Variants in WDFY1 observed in about 807,000 individuals in gnomAD.
WDFY1 encodes the protein WD repeat and FYVE domain containing 1, also known as WD repeat and FYVE domain-containing protein 1.
In WDFY1, 32 loss-of-function variants were observed where a neutral mutation model predicts 56.4. The observed-to-expected ratio is 0.57, with a 90% CI of 0.43 to 0.76. WDFY1 has a LOEUF of 0.76. WDFY1 is among the 30% of genes least tolerant of loss of function. The probability of loss-of-function intolerance (pLI) is 0.00; values close to 1 mark genes in which losing one functional copy is unlikely to be tolerated. For synonymous variants in WDFY1, 192 were observed against 197.3 expected (o/e 0.97, Z 0.23); for missense variants, 480 against 545.7 (o/e 0.88, Z 1.20).
At chr2:223,886,604 C>T (rs1367699041) in intron 8 of WDFY1, among the ~76,000 whole-genome samples, 1 of 151,540 alleles carries the variant, frequency 6.6e-6, no homozygotes, top group African/African-American at 2.4e-5. Flanking sequence ...CATGCCTATG[C>T]CTATAATCCC....
Position 223,894,232 on chromosome 2 carries a change from AC to A in WDFY1, c.831+1del. On this transcript the variant is annotated splice_donor_variant, in intron 8 of 11. Coordinates refer to ENST00000233055, the MANE Select transcript of WDFY1 (RefSeq NM_020830.5). LOFTEE classifies it high-confidence loss of function. The stretch of plus-strand genomic sequence containing the variant: ...CAGCCTGGACTTGCCCTTGTCTCTT[AC>A]CTCTTCTCTGCTAACATCCATGTTC... 1 of 1,614,092 alleles carries A rather than the reference AC, an allele frequency of 6.2e-7. No individual in the cohort carries two copies. The highest frequency in any genetic ancestry group is 8.5e-7 in the Non-Finnish European group (1 of 1,179,960).
chr2:223,878,342 G>A lies in WDFY1; in HGVS notation c.*329C>T, dbSNP rs1693006276. The A allele has an allele frequency of 4.8e-6, 1 of 208,972 alleles. No homozygotes were observed. Among genetic ancestry groups the A allele is most frequent in the African/African-American group, 2.3e-5 (1 of 42,948 alleles). The allele number at this position is 208,972 out of a possible 1,614,324, so 12.9% of individuals were successfully genotyped here. ...TGTGACTGCTTTGAGAAGGTTCTAA[G>A]CATTCACTTTTTTGTTTGATTTTTT... On this transcript the variant is annotated 3_prime_UTR_variant, in exon 12 of 12. Coordinates refer to ENST00000233055, the MANE Select transcript of WDFY1 (RefSeq NM_020830.5).
chr2:223,924,076 C>A (rs1473049344), intron 1 of WDFY1, among the ~76,000 whole-genome samples: 1 of 152,162 alleles, frequency 6.6e-6, no homozygotes, highest in Non-Finnish European at 1.5e-5. Flanking sequence ...CGTGTTCATT[C>A]TTTTCCAAGC....
At chr2:223,921,012 G>C (rs1693876785) in intron 1 of WDFY1, among the ~76,000 whole-genome samples, 1 of 152,146 alleles carries the variant, frequency 6.6e-6, no homozygotes, top group Non-Finnish European at 1.5e-5. Context: ...ACTGATCAGA[G>C]ACCAGAGGGA....
At chr2:223,905,219 T>C (rs973165954) in intron 4 of WDFY1, among the ~76,000 whole-genome samples, 15 of 152,224 alleles carry the variant, frequency 9.9e-5, no homozygotes, top group African/African-American at 3.6e-4. Flanking sequence ...ACTTGCACTA[T>C]TGCTGTGAAG....
At chr2:223,928,610 T>A (rs2118412) in intron 1 of WDFY1, among the ~76,000 whole-genome samples, 125,683 of 152,164 alleles carry the variant, frequency 0.83, 52,929 homozygotes, top group Non-Finnish European at 0.93. Context: ...AAATTCTACA[T>A]GTTAAAATGT....
intron 1 of WDFY1, among the ~76,000 whole-genome samples, chr2:223,923,242 C>T (rs1693917048): frequency 6.6e-6 from 1 of 152,174 alleles, no homozygotes; most frequent in Non-Finnish European, 1.5e-5. Context: ...ACCCCAAGAA[C>T]CTATTAAACA....
At chr2:223,887,752 T>C (rs1693196942) in intron 8 of WDFY1, among the ~76,000 whole-genome samples, 1 of 152,208 alleles carries the variant, frequency 6.6e-6, no homozygotes, top group African/African-American at 2.4e-5. Flanking sequence ...AATTTTCTAT[T>C]TTTCTTGAGT....
At chr2:223,904,180 A>G (rs1429735459) in intron 4 of WDFY1, among the ~76,000 whole-genome samples, 1 of 152,226 alleles carries the variant, frequency 6.6e-6, no homozygotes, top group African/African-American at 2.4e-5. Context: ...CATTGTTACA[A>G]AACAGTTTCC....
At chr2:223,881,506 G>C (rs372500535) in intron 10 of WDFY1, among the ~76,000 whole-genome samples, 3 of 152,186 alleles carry the variant, frequency 2.0e-5, no homozygotes, top group African/African-American at 7.2e-5. Context: ...AAATGGCTTA[G>C]GGGCCAGGCA....
rs1403472201 is a variant in WDFY1, at chr2:223,875,899, T to C, written c.*2772A>G. Reference sequence around the variant, plus strand: ...GAGCTACTATGGTATTTATTACATATTTGGGTCAGTTTCACCAGTTTAAAA... The same window carrying C: ...GAGCTACTATGGTATTTATTACATACTTGGGTCAGTTTCACCAGTTTAAAA... On this transcript the variant is annotated 3_prime_UTR_variant, in exon 12 of 12. Transcript: ENST00000233055. 6.6e-6 allele frequency: 1 copy of C among 152,124 alleles called. No individual in the cohort carries two copies. 9.4% of individuals were successfully genotyped at this position (152,124 alleles called of 1,614,324 possible). A position where few individuals can be genotyped will look rare whatever the true frequency, so the allele number is the denominator to read the frequency against.
intron 1 of WDFY1, among the ~76,000 whole-genome samples, chr2:223,939,815 C>A (rs1245764846): frequency 1.3e-5 from 2 of 152,168 alleles, no homozygotes; most frequent in African/African-American, 2.4e-5. Context: ...ATCACCTCCC[C>A]CACATCATGA....
Position 223,878,541 on chromosome 2 carries a change from T to C in WDFY1, c.*130A>G, listed in dbSNP as rs889543528. On this transcript the variant is annotated 3_prime_UTR_variant, in exon 12 of 12. Transcript: ENST00000233055. ...CCCCAAAACACACCTTTACATTTTC[T>C]TTTTAAAAATGTTGATTTGTTTGTA... is the stretch of plus-strand genomic sequence containing the variant. The C allele has an allele frequency of 2.8e-6, 2 of 706,500 alleles. No individual in the cohort carries two copies. The highest frequency in any genetic ancestry group is 3.6e-5 in the African/African-American group (2 of 55,458). The allele number at this position is 706,500 out of a possible 1,614,324, so 43.8% of individuals were successfully genotyped here. A position where few individuals can be genotyped will look rare whatever the true frequency, so the allele number is the denominator to read the frequency against.
At chr2:223,908,383 G>T (rs926116692) in intron 3 of WDFY1, among the ~76,000 whole-genome samples, 1 of 152,116 alleles carries the variant, frequency 6.6e-6, no homozygotes, top group East Asian at 1.9e-4. Flanking sequence ...GTTATCAGCA[G>T]CTGTCTTCTA....
chr2:223,913,974 C>T (rs1693746372), intron 2 of WDFY1, among the ~76,000 whole-genome samples: 2 of 136,596 alleles, frequency 1.5e-5, no homozygotes. Context: ...AAATAGGAAT[C>T]ATCTTTCAAA....
chr2:223,883,755 C>T (rs929186252), intron 9 of WDFY1, among the ~76,000 whole-genome samples: 1 of 152,176 alleles, frequency 6.6e-6, no homozygotes, highest in Non-Finnish European at 1.5e-5. Flanking sequence ...AAGTGATTCT[C>T]CTGCCTCAGC....
At chr2:223,931,162 C>T (rs1403794820) in intron 1 of WDFY1, among the ~76,000 whole-genome samples, 1 of 152,164 alleles carries the variant, frequency 6.6e-6, no homozygotes, top group African/African-American at 2.4e-5. Context: ...GTAGATAGTA[C>T]GAATAACTCC....
chr2:223,888,247 A>C (rs1229759215), intron 8 of WDFY1, among the ~76,000 whole-genome samples: 1 of 152,030 alleles, frequency 6.6e-6, no homozygotes, highest in Non-Finnish European at 1.5e-5. Context: ...ACACCCAGCA[A>C]ATTTTTTGTA....
Position 223,899,689 on chromosome 2 carries a change from T to C in WDFY1, c.486-619A>G, listed in dbSNP as rs138163725. On this transcript the variant is annotated intron_variant, in intron 5 of 11. Coordinates refer to ENST00000233055, the MANE Select transcript of WDFY1 (RefSeq NM_020830.5). The stretch of plus-strand genomic sequence containing the variant: ...TGAACCCAGGAGGCAGAGGCTGCAG[T>C]GAGCTGAGATGGTGCCACTGTACCA... Among the ~76,000 whole-genome samples the C allele has an allele frequency of 9.0e-3, 1,364 of 151,980 alleles. 31 individuals carry two copies. The highest frequency in any genetic ancestry group is 0.031 in the African/African-American group (1,288 of 41,438).
Sources: allele counts gnomAD v4.1 joint callset (sites outside exome capture counted in the v4.1 genomes callset), GRCh38; gene constraint gnomAD v4.1.1; transcripts MANE v1.5; gene names NCBI Gene and HGNC (gene_info 2026-07-23, HGNC 2026-07-21).